HSDL1: variants seen among roughly 807,000 people sequenced by gnomAD.
The protein encoded by HSDL1 is inactive hydroxysteroid dehydrogenase-like protein 1.
HSDL1 carries 29 observed loss-of-function variants against 31.5 expected under a neutral mutation model. The ratio of observed to expected loss-of-function variants is 0.92; its 90% CI spans 0.69 to 1.26. The LOEUF is 1.26. Among genes scored for constraint, HSDL1 ranks in the 50% most tolerant of loss-of-function variants. The pLI, the probability that HSDL1 is intolerant of heterozygous loss-of-function variation, is 0.00. For synonymous variants in HSDL1, 222 were observed against 155.2 expected (o/e 1.43, Z -3.20); for missense variants, 503 against 416.6 (o/e 1.21, Z -1.81).
intron 2 of HSDL1, among the ~76,000 whole-genome samples, chr16:84,132,988 A>G (rs2086682354): frequency 1.3e-5 from 2 of 151,644 alleles, no homozygotes; most frequent in Admixed American, 1.3e-4. Flanking sequence ...AGAAAAAAAA[A>G]AAAAAGTCTG....
chr16:84,126,059 C>T (rs1233779565), intron 5 of HSDL1, among the ~76,000 whole-genome samples: 2 of 148,120 alleles, frequency 1.4e-5, no homozygotes, highest in East Asian at 2.0e-4. Flanking sequence ...GCCGAGATCG[C>T]GGCACTGCAC....
chr16:84,143,269 TA>T (rs1469130225), intron 1 of HSDL1, among the ~76,000 whole-genome samples: 1 of 152,120 alleles, frequency 6.6e-6, no homozygotes, highest in Non-Finnish European at 1.5e-5. Flanking sequence ...TATTCAGCCA[TA>T]AAAAAGCATG....
At chr16:84,143,967 T>C (rs1157140744) in intron 1 of HSDL1, among the ~76,000 whole-genome samples, 1 of 151,648 alleles carries the variant, frequency 6.6e-6, no homozygotes, top group Non-Finnish European at 1.5e-5. Context: ...GGAGCTGAGA[T>C]CGCAGGCACC....
At chr16:84,125,529 G>GATCAATCACAACAAATACCCACCA (rs922348352) in intron 5 of HSDL1, among the ~76,000 whole-genome samples, 1 of 123,160 alleles carries the variant, frequency 8.1e-6, no homozygotes, top group Non-Finnish European at 1.7e-5. Context: ...AATACCCACC[G>GATCAATCACAACAAATACCCACCA]ATCAATCACA....
intron 1 of HSDL1, among the ~76,000 whole-genome samples, chr16:84,140,219 C>T (rs1183956216): frequency 1.3e-5 from 2 of 152,166 alleles, no homozygotes; most frequent in Non-Finnish European, 2.9e-5. Flanking sequence ...AGAGCACAGG[C>T]CTCTGGAGGG....
Position 84,130,435 on chromosome 16 carries a change from G to C in HSDL1, c.221-4C>G. 1.3e-6 allele frequency: 2 copies of C among 1,599,084 alleles called. No individual in the cohort carries two copies. The highest frequency in any genetic ancestry group is 8.5e-7 in the Non-Finnish European group (1 of 1,172,548). On this transcript the variant is annotated splice_polypyrimidine_tract_variant and splice_region_variant and intron_variant, in intron 3 of 5. Transcript: ENST00000219439. ...TTTCCAATCCCATCTGTTGCACCTAGGATGCAAGTCAGGAAAAGTGAGCAT... is the reference window on the plus strand; with the variant it reads ...TTTCCAATCCCATCTGTTGCACCTACGATGCAAGTCAGGAAAAGTGAGCAT...
chr16:84,129,623 T>C lies in HSDL1; in HGVS notation c.819A>G (p.Lys273=), dbSNP rs754781002. ...TAGAAACAGCATGATGTGCATAGAC[T>C]TTTGGCGAAGGCACCAACCACGAGC... ...HRCSWLVPSP[K]VYAHHAVSTL... Residue 273 remains lysine, a synonymous_variant, in exon 5 of 6, where the codon AAA becomes AAG. Transcript: ENST00000219439. The C allele has an allele frequency of 2.1e-5, 34 of 1,614,044 alleles. No individual in the cohort carries two copies. The highest frequency in any genetic ancestry group is 1.1e-4 in the South Asian group (10 of 91,088).
rs1403301222 is a variant in HSDL1 at position 84,135,063 on chromosome 16, C to T, written c.-7+481G>A. ...CCTGGCCAACAGGGTGAAACCCTGTCTCTACTAAAAATACAAAAAATTAGC... is the reference window on the plus strand; with the variant it reads ...CCTGGCCAACAGGGTGAAACCCTGTTTCTACTAAAAATACAAAAAATTAGC... On this transcript the variant is annotated intron_variant, in intron 2 of 5. Coordinates refer to ENST00000219439, the MANE Select transcript of HSDL1 (RefSeq NM_031463.5). Among the ~76,000 whole-genome samples the T allele has an allele frequency of 3.9e-5, 6 of 152,078 alleles. No individual in the cohort carries two copies. In the East Asian group the frequency reaches 7.7e-4, roughly 20 times the overall value.
intron 1 of HSDL1, among the ~76,000 whole-genome samples, chr16:84,141,104 A>C (rs1277918889): frequency 6.6e-6 from 1 of 151,994 alleles, no homozygotes; most frequent in Non-Finnish European, 1.5e-5. Context: ...CAAAAAAAAA[A>C]ACAGTATTGC....
Position 84,123,276 on chromosome 16 carries a change from C to T in HSDL1, c.*1354G>A, listed in dbSNP as rs1344727917. 6.6e-6 allele frequency: 1 copy of T among 152,098 alleles called. No individual in the cohort carries two copies. Among genetic ancestry groups the T allele is most frequent in the Non-Finnish European group, 1.5e-5 (1 of 68,018 alleles). The allele number at this position is 152,098 out of a possible 1,614,324, so 9.4% of individuals were successfully genotyped here. ...CTGCTTATGATAGATTATCACGTCA[C>T]GAAAAAAATGCCACAGAAGTCCAGA... On this transcript the variant is annotated 3_prime_UTR_variant, in exon 6 of 6. Coordinates refer to ENST00000219439, the MANE Select transcript of HSDL1 (RefSeq NM_031463.5).
Position 84,129,691 on chromosome 16 carries a change from C to T in HSDL1, c.751G>A (p.Val251Ile), listed in dbSNP as rs556335771. Residue 251 changes from valine to isoleucine, a missense_variant, in exon 5 of 6, where the codon GTA becomes ATA. Transcript: ENST00000219439. ...CTGGGTGCTGTCATGCTGGTGGCTA[C>T]ATAGAAAGGGATTAGACTCTGTACA... ...IFVQSLIPFY[V>I]ATSMTAPSNF... 3.1e-6 allele frequency: 5 copies of T among 1,614,158 alleles called. No individual in the cohort carries two copies. In the South Asian group the frequency reaches 4.4e-5, roughly 14 times the overall value.
chr16:84,131,827 C>T (rs1007720336), intron 2 of HSDL1, among the ~76,000 whole-genome samples: 1 of 151,394 alleles, frequency 6.6e-6, no homozygotes. Flanking sequence ...CTACAGGCGC[C>T]CGCCACCTCG....
chr16:84,144,071 T>G (rs888736351), intron 1 of HSDL1, among the ~76,000 whole-genome samples: 3 of 57,802 alleles, frequency 5.2e-5, no homozygotes. Flanking sequence ...TCTCCCTCCC[T>G]CCCTCTCTCT....
intron 5 of HSDL1, among the ~76,000 whole-genome samples, chr16:84,125,514 CAATA>C (rs1354593955): frequency 6.6e-6 from 1 of 151,418 alleles, no homozygotes; most frequent in Non-Finnish European, 1.5e-5. Flanking sequence ...CCACCAATCA[CAATA>C]AATACCCACC....
chr16:84,135,738 T>G (rs2086706242), intron 1 of HSDL1, 133 bp from the exon 2 acceptor site: 1 of 152,296 alleles, frequency 6.6e-6, no homozygotes, highest in South Asian at 2.1e-4. Flanking sequence ...CATGAATCTC[T>G]GTAGAGGCAG....
At chr16:84,129,507 G>C (rs755968122) in intron 5 of HSDL1, 41 bp downstream of exon 5, 1 of 1,345,162 alleles carries the variant, frequency 7.4e-7, no homozygotes, top group African/African-American at 1.4e-5. Context: ...ATAGGTTCAT[G>C]ATGCATTAAT....
chr16:84,129,180 G>C (rs1383990888), intron 5 of HSDL1, among the ~76,000 whole-genome samples: 1 of 152,010 alleles, frequency 6.6e-6, no homozygotes, highest in Non-Finnish European at 1.5e-5. Flanking sequence ...CGGAGATCAA[G>C]ACCATCCTGG....
intron 5 of HSDL1, among the ~76,000 whole-genome samples, chr16:84,128,395 G>A (rs904509809): frequency 6.6e-6 from 1 of 151,846 alleles, no homozygotes; most frequent in African/African-American, 2.4e-5. Context: ...TAATACTTAC[G>A]ATCACAATTT....
intron 2 of HSDL1, among the ~76,000 whole-genome samples, chr16:84,134,646 C>T (rs1465396949): frequency 6.6e-6 from 1 of 151,882 alleles, no homozygotes; most frequent in African/African-American, 2.4e-5. Flanking sequence ...AAAAAAACAA[C>T]CGAGATTCTA....
Sources: gnomAD v4.1 joint callset for allele counts (sites outside exome capture counted in the v4.1 genomes callset) on GRCh38, gnomAD v4.1.1 for gene constraint, MANE v1.5 for transcripts, NCBI Gene and HGNC (gene_info 2026-07-23, HGNC 2026-07-21) for gene names.